MOV10L1: variants seen among roughly 807,000 people sequenced by gnomAD.
MOV10L1 encodes Mov10 like RNA helicase 1.
A neutral mutation model predicts 143.8 loss-of-function variants in MOV10L1; 110 were observed. The ratio of observed to expected loss-of-function variants is 0.76; its 90% confidence interval spans 0.66 to 0.90. MOV10L1 has a LOEUF of 0.90. MOV10L1 is among the 40% of genes least tolerant of loss of function. The pLI is 0.00. For synonymous variants in MOV10L1, 593 were observed against 581.1 expected, an observed-to-expected ratio of 1.02 and a Z score of -0.29; for missense variants, 1,406 against 1,526.8, an observed-to-expected ratio of 0.92 and a Z score of 1.32.
At chr22:50,160,404 G>A (rs1244100199) in intron 24 of MOV10L1, among the ~76,000 whole-genome samples, 85 of 150,298 alleles carry the variant, frequency 5.7e-4, no homozygotes, top group African/African-American at 2.0e-3. Context: ...CCACCACCAC[G>A]CCCAGCTAAT....
chr22:50,147,658 T>A (rs2063188602), intron 19 of MOV10L1, among the ~76,000 whole-genome samples: 1 of 152,126 alleles, frequency 6.6e-6, no homozygotes, highest in Non-Finnish European at 1.5e-5. Flanking sequence ...TGGGGGCGGC[T>A]GGAGTGGGGA....
In MOV10L1 at chr22:50,159,649, T is replaced by C. The variant is rs1304520703; in HGVS notation, c.3217-29T>C. The C allele has an allele frequency of 7.2e-7, 1 of 1,398,588 alleles. No homozygotes were observed. Among genetic ancestry groups the C allele is most frequent in the Non-Finnish European group, 1.0e-6 (1 of 994,876 alleles). The allele number at this position is 1,398,588 out of a possible 1,614,324, so 86.6% of individuals were successfully genotyped here. A position where few individuals can be genotyped will look rare whatever the true frequency, so the allele number is the denominator to read the frequency against. ...AGAAATGGATTTGTACAGTGTTATC[T>C]TTAGTCTTTCTTTTAATCTGTTCTC... On this transcript the variant is annotated intron_variant, in intron 23 of 26. Coordinates refer to ENST00000262794, the MANE Select transcript of MOV10L1 (RefSeq NM_018995.3). The surrounding 1 kb of genome is among the most constrained non-coding windows in gnomAD (Gnocchi z 4.1).
At chr22:50,118,552 A>G (rs1380452535) in intron 9 of MOV10L1, among the ~76,000 whole-genome samples, 1 of 152,226 alleles carries the variant, frequency 6.6e-6, no homozygotes, top group Non-Finnish European at 1.5e-5. Flanking sequence ...GACAGGAGTC[A>G]AGCTCAAATG....
At chr22:50,120,029 A>C (rs1044039066) in intron 9 of MOV10L1, among the ~76,000 whole-genome samples, 1 of 152,054 alleles carries the variant, frequency 6.6e-6, no homozygotes, top group South Asian at 2.1e-4. Context: ...AACAAACTGA[A>C]TTTCCCCAGA....
intron 22 of MOV10L1, among the ~76,000 whole-genome samples, chr22:50,156,220 G>GT (rs1293422053): frequency 1.3e-5 from 2 of 151,824 alleles, no homozygotes; most frequent in East Asian, 3.9e-4. Context: ...TGTTCAAGCA[G>GT]TTCTTATGCC....
intron 10 of MOV10L1, 132 bp from the exon 11 acceptor site, chr22:50,125,260 C>G: frequency 1.2e-6 from 1 of 839,170 alleles, no homozygotes; most frequent in South Asian, 1.7e-5. Context: ...CCTGCAGACT[C>G]CGGCGAGGAT....
intron 20 of MOV10L1, among the ~76,000 whole-genome samples, chr22:50,149,916 G>A (rs2063251310): frequency 6.6e-6 from 1 of 152,238 alleles, no homozygotes; most frequent in South Asian, 2.1e-4. Flanking sequence ...TCATTTACTT[G>A]TAAAACGGAG....
chr22:50,117,221 C>G lies in MOV10L1; in HGVS notation c.1324C>G (p.Leu442Val). The G allele has an allele frequency of 2.5e-6, 4 of 1,613,894 alleles. No homozygotes were observed. Among genetic ancestry groups the G allele is most frequent in the Non-Finnish European group, 3.4e-6 (4 of 1,179,976 alleles). The change falls in exon 9 of 27, where the codon CTT becomes GTT. Residue 442 changes from leucine to valine, a missense_variant. Coordinates refer to ENST00000262794, the MANE Select transcript of MOV10L1 (RefSeq NM_018995.3). ...TTCCGATTTCCTAATTGGGCGATAC[C>G]TTGAAGTAAATGTTATCAGTGGGGA... ...CFSDFLIGRY[L>V]EVNVISGEES...
intron 15 of MOV10L1, among the ~76,000 whole-genome samples, chr22:50,137,114 T>C (rs949882701): frequency 6.6e-6 from 1 of 152,048 alleles, no homozygotes; most frequent in Non-Finnish European, 1.5e-5. Context: ...CCCAGCAAGG[T>C]ATAAAATGGA....
intron 22 of MOV10L1, among the ~76,000 whole-genome samples, chr22:50,155,162 A>G (rs1198864485): frequency 6.6e-6 from 1 of 151,990 alleles, no homozygotes; most frequent in Non-Finnish European, 1.5e-5. Flanking sequence ...TCAGTCACTT[A>G]TTATTTACAA....
chr22:50,135,306 C>T (rs1385933143), intron 15 of MOV10L1, among the ~76,000 whole-genome samples: 1 of 151,912 alleles, frequency 6.6e-6, no homozygotes, highest in Non-Finnish European at 1.5e-5. Flanking sequence ...GCCACCACAC[C>T]CGGCCTTAGA....
intron 13 of MOV10L1, among the ~76,000 whole-genome samples, chr22:50,129,508 C>A (rs188740028): frequency 1.8e-4 from 28 of 152,144 alleles, no homozygotes; most frequent in African/African-American, 6.3e-4. Context: ...TGTGAATACC[C>A]GCTGTTTTTC....
chr22:50,150,252 T>G (rs536038150), intron 20 of MOV10L1, among the ~76,000 whole-genome samples: 39 of 152,168 alleles, frequency 2.6e-4, no homozygotes, highest in Admixed American at 2.4e-3. Flanking sequence ...CCATCCTAGA[T>G]GTCTGTCCCA....
At chr22:50,125,281 G>T (rs1042014057) in intron 10 of MOV10L1, 111 bp from the exon 11 acceptor site, 17 of 1,099,984 alleles carry the variant, frequency 1.5e-5, no homozygotes, top group African/African-American at 7.9e-5. Context: ...CGCCCCACCT[G>T]GGGGGCCATC....
intron 13 of MOV10L1, among the ~76,000 whole-genome samples, chr22:50,129,925 T>G (rs1349697355): frequency 6.6e-6 from 1 of 152,238 alleles, no homozygotes; most frequent in Non-Finnish European, 1.5e-5. Context: ...TCTGTATTCC[T>G]TATGATAAAC....
intron 6 of MOV10L1, 131 bp downstream of exon 6, chr22:50,113,919 T>A: frequency 1.2e-6 from 1 of 861,716 alleles, no homozygotes; most frequent in Non-Finnish European, 1.6e-6. Flanking sequence ...TTTCTTTTTT[T>A]TTTTTTTTTT....
Position 50,109,145 on chromosome 22 carries a change from A to G in MOV10L1, c.743+301A>G, listed in dbSNP as rs532467883. ...GGCGACAAGTAAAACTCCGTCTCAA[A>G]AAAAGAAAACGCTTTTCTTCTTTGG... is the stretch of plus-strand genomic sequence containing the variant. On this transcript the variant is annotated intron_variant, in intron 5 of 26. Transcript: ENST00000262794. 1.7e-3 allele frequency among the ~76,000 whole-genome samples: 260 copies of G among 152,240 alleles called. 1 individual carries two copies. Among genetic ancestry groups the G allele is most frequent in the African/African-American group, 5.8e-3 (239 of 41,536 alleles).
At chr22:50,122,428 T>G (rs1338374923) in intron 10 of MOV10L1, among the ~76,000 whole-genome samples, 1 of 152,250 alleles carries the variant, frequency 6.6e-6, no homozygotes, top group Non-Finnish European at 1.5e-5. Flanking sequence ...AATTTATTTA[T>G]TCTAACAGTT....
rs537755829 is a variant in MOV10L1 at position 50,145,823 on chromosome 22, C to G, written c.2627+13C>G. 3.6e-5 allele frequency: 58 copies of G among 1,613,166 alleles called. No individual in the cohort carries two copies. Among genetic ancestry groups the G allele is most frequent in the Non-Finnish European group, 4.9e-5 (58 of 1,179,856 alleles). Reference sequence around the variant, plus strand: ...AAATAGGAGTGAGGTGAGCCCCGGGCATGGAGCGCGGCATGGGGCCTCCCA... The same window carrying G: ...AAATAGGAGTGAGGTGAGCCCCGGGGATGGAGCGCGGCATGGGGCCTCCCA... On this transcript the variant is annotated intron_variant, in intron 19 of 26. Coordinates refer to ENST00000262794, the MANE Select transcript of MOV10L1 (RefSeq NM_018995.3).
Sources: gnomAD v4.1 joint callset for allele counts (sites outside exome capture counted in the v4.1 genomes callset) on GRCh38, gnomAD v4.1.1 for gene constraint, Gnocchi (gnomAD v3.1) non-coding constraint, MANE v1.5 for transcripts, NCBI Gene and HGNC (gene_info 2026-07-23, HGNC 2026-07-21) for gene names.